Variants in ADPGK observed in about 807,000 individuals in gnomAD.
The protein encoded by ADPGK is ADP dependent glucokinase.
In ADPGK, 26 loss-of-function variants were observed where a neutral mutation model predicts 42.4. The ratio of observed to expected loss-of-function variants is 0.61; its 90% CI spans 0.45 to 0.85. The LOEUF (loss-of-function observed/expected upper bound fraction) is 0.85, where lower values mean the gene tolerates loss of function less well. ADPGK is among the 40% of genes least tolerant of loss of function. The pLI is 0.00. For synonymous variants in ADPGK, 267 were observed against 252.6 expected, an observed-to-expected ratio of 1.06 and a Z score of -0.54; for missense variants, 571 against 627.0, an observed-to-expected ratio of 0.91 and a Z score of 0.95.
chr15:72,768,533 TG>T (rs2066287393), intron 3 of ADPGK, among the ~76,000 whole-genome samples: 1 of 152,120 alleles, frequency 6.6e-6, no homozygotes, highest in African/African-American at 2.4e-5. Flanking sequence ...CTGGGCATGG[TG>T]GCACACACCT....
Position 72,783,237 on chromosome 15 carries a change from T to C in ADPGK, c.233+222A>G, listed in dbSNP as rs909541585. On this transcript the variant is annotated intron_variant, in intron 1 of 6. Transcript: ENST00000456471. The stretch of plus-strand genomic sequence containing the variant: ...GGGATTAGCAAGAAGCTGTTAGGGC[T>C]GGTCCTACCGGGATGAGAGAAAGGC... The C allele has an allele frequency of 3.2e-5, 39 of 1,235,898 alleles. 1 individual carries two copies. In the South Asian group the frequency reaches 1.4e-3, roughly 46 times the overall value. The allele number at this position is 1,235,898 out of a possible 1,614,324, so 76.6% of individuals were successfully genotyped here. A position where few individuals can be genotyped will look rare whatever the true frequency, so the allele number is the denominator to read the frequency against.
In ADPGK at chr15:72,755,561, G is replaced by C. The variant is rs764728565; in HGVS notation, c.934C>G (p.His312Asp). 11 of 1,612,712 alleles carry C rather than the reference G, an allele frequency of 6.8e-6. No homozygotes were observed. Among genetic ancestry groups the C allele is most frequent in the Non-Finnish European group, 9.3e-6 (11 of 1,178,860 alleles). ...CGATGGTCCCATGAGGTTACCTGAT[G>C]GACAATGCTGCTCATGAGCTCCCTG... ...TNRELMSSIV[H>D]QQVFPAVTSL... Residue 312 changes from histidine (H) to aspartate (D), a missense_variant, in exon 6 of 7, where the codon CAT becomes GAT. Coordinates refer to ENST00000456471, the MANE Select transcript of ADPGK (RefSeq NM_001365225.1).
intron 1 of ADPGK, among the ~76,000 whole-genome samples, chr15:72,777,878 A>C (rs1324332055): frequency 6.6e-6 from 1 of 152,110 alleles, no homozygotes; most frequent in Non-Finnish European, 1.5e-5. Flanking sequence ...TCCCTCACCT[A>C]ATCATACCAG....
intron 2 of ADPGK, among the ~76,000 whole-genome samples, chr15:72,773,442 A>G (rs1324903896): frequency 6.6e-6 from 1 of 152,262 alleles, no homozygotes; most frequent in African/African-American, 2.4e-5. Flanking sequence ...AAATAGTAAG[A>G]TATCTACAAA....
chr15:72,764,879 A>G (rs1287602694), intron 3 of ADPGK, among the ~76,000 whole-genome samples: 1 of 152,146 alleles, frequency 6.6e-6, no homozygotes, highest in Non-Finnish European at 1.5e-5. Context: ...AGGATTCTTA[A>G]GTATGATGCT....
At chr15:72,772,342 C>T (rs1466679542) in intron 2 of ADPGK, among the ~76,000 whole-genome samples, 5 of 152,240 alleles carry the variant, frequency 3.3e-5, no homozygotes, top group Non-Finnish European at 1.5e-5. Context: ...TTACAGCTCT[C>T]CAAGTCAGCC....
At chr15:72,762,406 G>T (rs990534651) in intron 3 of ADPGK, among the ~76,000 whole-genome samples, 1 of 152,094 alleles carries the variant, frequency 6.6e-6, no homozygotes, top group African/African-American at 2.4e-5. Context: ...AGGTACTTTC[G>T]TGTTATTTAA....
chr15:72,767,625 T>C (rs2066276963), intron 3 of ADPGK, among the ~76,000 whole-genome samples: 1 of 152,086 alleles, frequency 6.6e-6, no homozygotes, highest in South Asian at 2.1e-4. Flanking sequence ...GGAATTGAAA[T>C]AGAAATCAGT....
At position 72,752,412 on chromosome 15, in the gene ADPGK, G is replaced by A. The variant is rs752942617; in HGVS notation, c.1423C>T (p.Arg475Ter). ...ATGGCATCTCCAAGGCCTACAGTTC[G>A]AATGGGGTCTTTACACACCAATACT... is the stretch of plus-strand genomic sequence containing the variant. ...TPVLVCKDPI[R>*]TVGLGDAISA... The change falls in exon 7 of 7, where the codon CGA (arginine) becomes TGA (stop). Residue 475 changes from arginine (R) to a stop codon, truncating the protein, a stop_gained. Coordinates refer to ENST00000456471, the MANE Select transcript of ADPGK (RefSeq NM_001365225.1). LOFTEE classifies it high-confidence loss of function. 8.7e-6 allele frequency: 14 copies of A among 1,614,186 alleles called. No homozygotes were observed. Among genetic ancestry groups the A allele is most frequent in the East Asian group, 2.2e-5 (1 of 44,880 alleles).
Position 72,771,821 on chromosome 15 carries a change from A to C in ADPGK, c.484T>G (p.Leu162Val), listed in dbSNP as rs772311523. Residue 162 changes from leucine (L) to valine (V), a missense_variant, in exon 3 of 7, where the codon TTA (leucine) becomes GTA (valine). Transcript: ENST00000456471. ...AQHYVGGNAA[L>V]IGQKFAANSD... ...TTGGCTGCAAATTTCTGTCCAATTAAAGCTGCATTTCCTCCTACATAGTGC... is the reference window on the plus strand; with the variant it reads ...TTGGCTGCAAATTTCTGTCCAATTACAGCTGCATTTCCTCCTACATAGTGC... 1.1e-5 allele frequency: 18 copies of C among 1,613,350 alleles called. No individual in the cohort carries two copies. The South Asian group carries it at 1.6e-4, about 15-fold the overall frequency.
chr15:72,770,811 A>G (rs1467308129), intron 3 of ADPGK, among the ~76,000 whole-genome samples: 1 of 152,196 alleles, frequency 6.6e-6, no homozygotes, highest in African/African-American at 2.4e-5. Flanking sequence ...GTGTGGCTCC[A>G]TATGAATTTT....
chr15:72,780,180 A>C (rs1172684254), intron 1 of ADPGK, among the ~76,000 whole-genome samples: 1 of 152,194 alleles, frequency 6.6e-6, no homozygotes, highest in Non-Finnish European at 1.5e-5. Context: ...TAAAGGAAAG[A>C]GGTTTAATTG....
At chr15:72,780,013 A>G (rs532102366) in intron 1 of ADPGK, among the ~76,000 whole-genome samples, 9 of 152,352 alleles carry the variant, frequency 5.9e-5, no homozygotes, top group African/African-American at 1.4e-4. Context: ...CCAGGCTTCA[A>G]TTGCTCCTCT....
chr15:72,757,956 G>A, intron 4 of ADPGK: 3 of 975,670 alleles, frequency 3.1e-6, no homozygotes, highest in Non-Finnish European at 4.6e-6. Context: ...GAACCGTGCA[G>A]AGCTGCTTGC....
chr15:72,765,753 C>T (rs1262706768), intron 3 of ADPGK, among the ~76,000 whole-genome samples: 1 of 152,032 alleles, frequency 6.6e-6, no homozygotes, highest in Non-Finnish European at 1.5e-5. Flanking sequence ...AGAAGTGGGG[C>T]CTGAAGATGT....
chr15:72,783,137 A>G, intron 1 of ADPGK: 3 of 968,790 alleles, frequency 3.1e-6, no homozygotes, highest in Non-Finnish European at 3.9e-6. Flanking sequence ...TGATTGCAAA[A>G]CAACAGTCGC....
At chr15:72,754,765 T>C (rs1245940836) in intron 6 of ADPGK, among the ~76,000 whole-genome samples, 2 of 152,196 alleles carry the variant, frequency 1.3e-5, no homozygotes, top group East Asian at 3.8e-4. Context: ...ATCTCCAAGA[T>C]ATATTTAGTG....
chr15:72,757,654 A>G (rs879544919), intron 4 of ADPGK: 2 of 164,276 alleles, frequency 1.2e-5, no homozygotes, highest in Admixed American at 6.0e-5. Flanking sequence ...CAAGCAAATA[A>G]GAGAACAGAC....
chr15:72,760,362 A>T (rs778612785), intron 4 of ADPGK, 45 bp downstream of exon 4: 1 of 1,546,996 alleles, frequency 6.5e-7, no homozygotes, highest in African/African-American at 1.4e-5. Flanking sequence ...GACAATACAC[A>T]GCCCCTTGAC....
Sources: allele counts gnomAD v4.1 joint callset (sites outside exome capture counted in the v4.1 genomes callset), GRCh38; gene constraint gnomAD v4.1.1; transcripts MANE v1.5; gene names NCBI Gene and HGNC (gene_info 2026-07-23, HGNC 2026-07-21).